Variants in KRT23 observed in about 807,000 individuals in gnomAD.
The protein encoded by KRT23 is keratin 23, also known as keratin, type I cytoskeletal 23.
A neutral mutation model predicts 47.6 loss-of-function variants in KRT23; 38 were observed. The observed-to-expected ratio is 0.80, with a 90% CI of 0.62 to 1.05. The LOEUF (loss-of-function observed/expected upper bound fraction) is 1.05, where lower values mean the gene tolerates loss of function less well. KRT23 is among the 50% of genes least tolerant of loss of function. The probability of loss-of-function intolerance (pLI) is 0.00; values close to 1 mark genes in which losing one functional copy is unlikely to be tolerated. For synonymous variants in KRT23, 191 were observed against 199.0 expected, an observed-to-expected ratio of 0.96 and a Z score of 0.34; for missense variants, 503 against 529.5, an observed-to-expected ratio of 0.95 and a Z score of 0.49.
At position 40,928,519 on chromosome 17, in the gene KRT23, T is replaced by A; in HGVS notation, c.725A>T (p.Glu242Val). The change falls in exon 5 of 9, where the codon GAG (glutamate) becomes GTG (valine). Residue 242 changes from glutamate (E) to valine (V), a missense_variant. Glu to Val is a moderately radical substitution (Grantham distance 121, BLOSUM62 -2). Transcript: ENST00000209718. ...AAGCTCATATTCTTGTCTCATATCC[T>A]CCAGGACCTTAATCAGATCTTCCCT... The part of the protein sequence containing the change: ...GPREDLIKVL[E>V]DMRQEYELII... 6.2e-7 allele frequency: 1 copy of A among 1,614,116 alleles called. No individual in the cohort carries two copies. Among genetic ancestry groups the A allele is most frequent in the Non-Finnish European group, 8.5e-7 (1 of 1,179,996 alleles).
Position 40,928,344 on chromosome 17 carries a change from T to G in KRT23, c.815A>C (p.Gln272Pro). ...WYKEQSAAMS[Q>P]EAASPATVQS... ...CACAGTGGCTGGACTGGCTGCCTCCTGGGACATGGCTGCAGACTGTGGGAC... is the reference window on the plus strand; with the variant it reads ...CACAGTGGCTGGACTGGCTGCCTCCGGGGACATGGCTGCAGACTGTGGGAC... The change falls in exon 6 of 9, where the codon CAG becomes CCG. Residue 272 changes from glutamine to proline, a missense_variant. Physicochemically the swap from Gln to Pro is moderately conservative, Grantham distance 76 (BLOSUM62 -1). Transcript: ENST00000209718. The G allele has an allele frequency of 6.2e-7, 1 of 1,614,216 alleles. No individual in the cohort carries two copies. Among genetic ancestry groups the G allele is most frequent in the Non-Finnish European group, 8.5e-7 (1 of 1,180,032 alleles).
At chr17:40,928,660 G>C in intron 4 of KRT23, 53 bp from the exon 5 acceptor site, 6 of 1,539,206 alleles carry the variant, frequency 3.9e-6, no homozygotes, top group Non-Finnish European at 5.3e-6. Context: ...CAGAAGGCTG[G>C]ATTGCCATGT....
intron 6 of KRT23, among the ~76,000 whole-genome samples, chr17:40,927,480 C>G (rs1909299888): frequency 6.6e-6 from 1 of 152,188 alleles, no homozygotes; most frequent in Non-Finnish European, 1.5e-5. Context: ...CCAAGTGCAC[C>G]TGCAACATAA....
chr17:40,927,133 C>G (rs1399410361), intron 6 of KRT23, among the ~76,000 whole-genome samples: 1 of 152,196 alleles, frequency 6.6e-6, no homozygotes, highest in African/African-American at 2.4e-5. Flanking sequence ...CAGCTCTTCA[C>G]CCTGGTGCAT....
At chr17:40,933,035 T>A (rs1401351642) in intron 2 of KRT23, among the ~76,000 whole-genome samples, 2 of 152,328 alleles carry the variant, frequency 1.3e-5, no homozygotes, top group East Asian at 3.9e-4. Flanking sequence ...AAATAGCATA[T>A]TATCGGCATA....
intron 2 of KRT23, among the ~76,000 whole-genome samples, chr17:40,935,760 G>C (rs1910018080): frequency 1.3e-5 from 2 of 152,164 alleles, no homozygotes; most frequent in Middle Eastern, 3.2e-3. Context: ...GTTTGAGGTG[G>C]AGCAGAACTG....
At chr17:40,932,430 CGTT>C (rs1301503523) in intron 2 of KRT23, among the ~76,000 whole-genome samples, 3 of 152,286 alleles carry the variant, frequency 2.0e-5, no homozygotes, top group East Asian at 3.9e-4. Flanking sequence ...GAAGATGTCT[CGTT>C]GTCAAAAGTG....
intron 2 of KRT23, 25 bp downstream of exon 2, chr17:40,936,183 T>G: frequency 6.2e-7 from 1 of 1,613,524 alleles, no homozygotes; most frequent in Non-Finnish European, 8.5e-7. Context: ...CCCATCTGGA[T>G]CTCCAGGGTC....
rs368165611 is a variant in KRT23 at position 40,922,980 on chromosome 17, T to G, written c.*9A>C. Reference sequence around the variant, plus strand: ...TAGATTTTACAACAGGCGGAAACTTTCATTGGTCTCATGCGTGCTTTTGGA... The same window carrying G: ...TAGATTTTACAACAGGCGGAAACTTGCATTGGTCTCATGCGTGCTTTTGGA... On this transcript the variant is annotated 3_prime_UTR_variant, in exon 9 of 9. Coordinates refer to ENST00000209718, the MANE Select transcript of KRT23 (RefSeq NM_015515.5). 6.2e-7 allele frequency: 1 copy of G among 1,604,772 alleles called. No homozygotes were observed. Among genetic ancestry groups the G allele is most frequent in the African/African-American group, 1.3e-5 (1 of 74,718 alleles).
At chr17:40,934,548 A>G (rs1909917943) in intron 2 of KRT23, among the ~76,000 whole-genome samples, 1 of 152,262 alleles carries the variant, frequency 6.6e-6, no homozygotes, top group African/African-American at 2.4e-5. Flanking sequence ...TGTGAGGATT[A>G]AATGAGACAA....
intron 3 of KRT23, among the ~76,000 whole-genome samples, chr17:40,931,137 G>A (rs1255717892): frequency 5.3e-5 from 8 of 149,542 alleles, no homozygotes; most frequent in Non-Finnish European, 8.9e-5. Flanking sequence ...TCAGCCTCCC[G>A]AGTAGCTGGG....
chr17:40,935,462 T>G (rs4404131), intron 2 of KRT23, among the ~76,000 whole-genome samples: 68,263 of 151,946 alleles, frequency 0.45, 16,105 homozygotes, highest in East Asian at 0.72. Flanking sequence ...CAGAAGGTAT[T>G]TGCTTAGCTT....
intron 4 of KRT23, chr17:40,929,554 A>G (rs923706688): frequency 2.3e-5 from 4 of 172,008 alleles, no homozygotes; most frequent in Non-Finnish European, 4.9e-5. Flanking sequence ...GCCCCACATC[A>G]CACTTATCTT....
In KRT23 at chr17:40,923,071, G is replaced by A; in HGVS notation, c.1187C>T (p.Pro396Leu). ...SKSSMKVSAT[P>L]KIKAITQETI... Reference sequence around the variant, plus strand: ...CTCCTGGGTTATGGCCTTGATCTTTGGAGTTGCAGACACTGAGAAAAAGAG... The same window carrying A: ...CTCCTGGGTTATGGCCTTGATCTTTAGAGTTGCAGACACTGAGAAAAAGAG... The change falls in exon 9 of 9, where the codon CCA becomes CTA. Residue 396 changes from proline (P) to leucine (L), a missense_variant. Coordinates refer to ENST00000209718, the MANE Select transcript of KRT23 (RefSeq NM_015515.5). 1 of 1,612,844 alleles carries A rather than the reference G, an allele frequency of 6.2e-7. No homozygotes were observed. Among genetic ancestry groups the A allele is most frequent in the Non-Finnish European group, 8.5e-7 (1 of 1,178,858 alleles).
chr17:40,933,476 T>C (rs1160182506), intron 2 of KRT23, among the ~76,000 whole-genome samples: 1 of 152,222 alleles, frequency 6.6e-6, no homozygotes, highest in African/African-American at 2.4e-5. Context: ...CCTTACTTAC[T>C]TGTGCACTGA....
rs755849469 is a variant in KRT23, at chr17:40,936,331, G to T, written c.273C>A (p.Arg91=). ...GCTTCATGTTGGCCTCCTCCAGGGC[G>T]CGAACCTTCTCCAGGTAGGAGGCCA... ...DRLASYLEKV[R]ALEEANMKLE... The change falls in exon 2 of 9, where the codon CGC becomes CGA. Residue 91 remains arginine, a synonymous_variant. Transcript: ENST00000209718. The T allele has an allele frequency of 2.5e-6, 4 of 1,614,206 alleles. No homozygotes were observed. The Admixed American group carries it at 5.0e-5, about 20-fold the overall frequency.
chr17:40,934,859 A>T lies in KRT23; in HGVS notation c.396+1349T>A, dbSNP rs185208925. ...ACTCTTGGATAGTGTTGACATGTGTATTAAATATCCAGCAGGATGCCTAGG... is the reference window on the plus strand; with the variant it reads ...ACTCTTGGATAGTGTTGACATGTGTTTTAAATATCCAGCAGGATGCCTAGG... On this transcript the variant is annotated intron_variant, in intron 2 of 8. Transcript: ENST00000209718. Among the ~76,000 whole-genome samples the T allele has an allele frequency of 3.0e-4, 45 of 152,362 alleles. No homozygotes were observed. The East Asian group carries it at 6.2e-3, about 21-fold the overall frequency.
At chr17:40,928,066 A>G (rs1281223705) in intron 6 of KRT23, among the ~76,000 whole-genome samples, 172 bp downstream of exon 6, 1 of 152,172 alleles carries the variant, frequency 6.6e-6, no homozygotes, top group Admixed American at 6.5e-5. Flanking sequence ...CCATCGGGAC[A>G]CTCAATACAT....
At chr17:40,937,122 C>T (rs1037300865) in intron 1 of KRT23, 169 bp from the exon 2 acceptor site, 2 of 152,514 alleles carry the variant, frequency 1.3e-5, no homozygotes, top group African/African-American at 4.8e-5. Flanking sequence ...CCCCAATAAG[C>T]CCCACCTCTA....
Sources: allele counts gnomAD v4.1 joint callset (sites outside exome capture counted in the v4.1 genomes callset), GRCh38; gene constraint gnomAD v4.1.1; transcripts MANE v1.5; gene names NCBI Gene and HGNC (gene_info 2026-07-23, HGNC 2026-07-21).